The following CNTNAP5 variants were observed in gnomAD, a reference collection of about 807,000 sequenced individuals.
CNTNAP5 encodes the protein contactin-associated protein-like 5.
CNTNAP5 carries 72 observed loss-of-function variants against 150.2 expected under a neutral mutation model. The observed-to-expected ratio is 0.48, with a 90% confidence interval of 0.40 to 0.58. The LOEUF (loss-of-function observed/expected upper bound fraction) is 0.58, where lower values mean the gene tolerates loss of function less well. CNTNAP5 is among the 20% of genes least tolerant of loss of function. The pLI is 0.00. For synonymous variants in CNTNAP5, 672 were observed against 619.8 expected (o/e 1.08, Z -1.25); for missense variants, 1,636 against 1,626.2 (o/e 1.01, Z -0.10).
At chr2:124,215,712 C>CAAAAAAAAAAAAAA (rs397985759) in intron 1 of CNTNAP5, among the ~76,000 whole-genome samples, 2 of 82,056 alleles carry the variant, frequency 2.4e-5, no homozygotes, top group Admixed American at 1.4e-4. Context: ...AGAAGAAAGG[C>CAAAAAAAAAAAAAA]AAAAAAAAAA....
intron 22 of CNTNAP5, among the ~76,000 whole-genome samples, chr2:124,907,058 T>C (rs1395602347): frequency 6.6e-6 from 1 of 152,020 alleles, no homozygotes; most frequent in Non-Finnish European, 1.5e-5. Flanking sequence ...CATAATACAG[T>C]GTGAGCAATG....
chr2:124,478,767 C>A (rs569020915), intron 7 of CNTNAP5, among the ~76,000 whole-genome samples: 23 of 152,224 alleles, frequency 1.5e-4, no homozygotes, highest in Admixed American at 3.3e-4. Flanking sequence ...TTCTAGTGTT[C>A]GCAGACTCTC....
chr2:124,173,725 G>A (rs1684992656), intron 1 of CNTNAP5, among the ~76,000 whole-genome samples: 1 of 152,200 alleles, frequency 6.6e-6, no homozygotes, highest in Non-Finnish European at 1.5e-5. Flanking sequence ...AAGTGCTAAT[G>A]TAGAATTTGC....
At chr2:124,067,441 G>A (rs73952583) in intron 1 of CNTNAP5, among the ~76,000 whole-genome samples, 2,108 of 152,128 alleles carry the variant, frequency 0.014, 55 homozygotes, top group African/African-American at 0.049. Flanking sequence ...TGGCTACATT[G>A]CCACCTCCTC....
chr2:124,145,826 A>G (rs1381192869), intron 1 of CNTNAP5, among the ~76,000 whole-genome samples: 21 of 3,676 alleles, frequency 5.7e-3, no homozygotes, highest in Admixed American at 0.018. Context: ...AAAAAAAAAA[A>G]AAGAAGAAAA....
In CNTNAP5 at chr2:124,562,292, A is replaced by G. The variant is rs1015760303; in HGVS notation, c.1650-925A>G. 3.4e-4 allele frequency among the ~76,000 whole-genome samples: 51 copies of G among 152,124 alleles called. 1 individual carries two copies. Among genetic ancestry groups the G allele is most frequent in the Admixed American group, 2.6e-4 (4 of 15,268 alleles). ...CGTATCTTAAACTTTTACTTAATCT[A>G]TTATAATCATGTTTGTCCTGTTATA... is the stretch of plus-strand genomic sequence containing the variant. On this transcript the variant is annotated intron_variant, in intron 10 of 23. Transcript: ENST00000682447.
intron 8 of CNTNAP5, among the ~76,000 whole-genome samples, chr2:124,505,522 T>A (rs1323728854): frequency 6.6e-6 from 1 of 152,140 alleles, no homozygotes; most frequent in Non-Finnish European, 1.5e-5. Flanking sequence ...CACCAGGGAA[T>A]GGGAAAACTT....
At chr2:124,795,307 C>T (rs1681821471) in intron 18 of CNTNAP5, among the ~76,000 whole-genome samples, 1 of 152,096 alleles carries the variant, frequency 6.6e-6, no homozygotes, top group Admixed American at 6.5e-5. Context: ...AGAGACGCAC[C>T]TTCCAGTACC....
intron 3 of CNTNAP5, among the ~76,000 whole-genome samples, chr2:124,266,697 C>T (rs1048912054): frequency 3.9e-5 from 6 of 152,056 alleles, no homozygotes; most frequent in African/African-American, 1.2e-4. Context: ...TTAACTCGTG[C>T]ACTATGAACT....
intron 13 of CNTNAP5, among the ~76,000 whole-genome samples, chr2:124,713,318 C>CCTTT (rs200942591): frequency 0.15 from 6,719 of 43,826 alleles, 851 homozygotes; most frequent in Middle Eastern, 0.18. Context: ...CTCTTTCTTT[C>CCTTT]CTTTCTTTCT....
intron 1 of CNTNAP5, among the ~76,000 whole-genome samples, chr2:124,090,450 A>G (rs1262755477): frequency 6.6e-6 from 1 of 152,210 alleles, no homozygotes; most frequent in African/African-American, 2.4e-5. Flanking sequence ...ATTATCTATG[A>G]GACTCTAATC....
In CNTNAP5 at chr2:124,451,049, A is replaced by ATATATATAT. The variant is rs1220088749; in HGVS notation, c.918+4112_918+4113insTATATATAT. On this transcript the variant is annotated intron_variant, in intron 6 of 23. Transcript: ENST00000682447. ...TCTCTTAAAAAAAAAAAAAAAAAAA[A>ATATATATAT]AAATATATATATATATATATATATA... Among the ~76,000 whole-genome samples, 3 of 73,716 alleles carry ATATATATAT rather than the reference A, an allele frequency of 4.1e-5. No individual in the cohort carries two copies. The East Asian group carries it at 9.3e-4, about 23-fold the overall frequency. The allele number at this position is 73,716 out of a possible 152,430, so 48.4% of individuals were successfully genotyped here. A position where few individuals can be genotyped will look rare whatever the true frequency, so the allele number is the denominator to read the frequency against.
At chr2:124,703,710 C>T (rs946723055) in intron 13 of CNTNAP5, among the ~76,000 whole-genome samples, 1 of 152,200 alleles carries the variant, frequency 6.6e-6, no homozygotes, top group East Asian at 1.9e-4. Context: ...GGCTTTAAGA[C>T]ATCATTCTGC....
rs11317771 is a variant in CNTNAP5, at chr2:124,777,146, G to GA, written c.2752+4143dup. Among the ~76,000 whole-genome samples, 1,104 of 136,678 alleles carry GA rather than the reference G, an allele frequency of 8.1e-3. 9 individuals carry two copies. Among genetic ancestry groups the GA allele is most frequent in the African/African-American group, 0.017 (634 of 38,076 alleles). The allele number at this position is 136,678 out of a possible 152,430, so 89.7% of individuals were successfully genotyped here. ...CACTCAAAAATGCTTCTTTAGTGGG[G>GA]AAAAAAAAAAAAAAGATGAAGAACA... is the stretch of plus-strand genomic sequence containing the variant. On this transcript the variant is annotated intron_variant, in intron 17 of 23. Coordinates refer to ENST00000682447, the MANE Select transcript of CNTNAP5 (RefSeq NM_001367498.1).
chr2:124,355,971 A>G (rs183793507), intron 3 of CNTNAP5, among the ~76,000 whole-genome samples: 2 of 152,262 alleles, frequency 1.3e-5, no homozygotes, highest in African/African-American at 2.4e-5. Flanking sequence ...AAATGATTCT[A>G]CTTTTCTCAT....
intron 3 of CNTNAP5, among the ~76,000 whole-genome samples, chr2:124,317,806 G>A (rs528952035): frequency 8.5e-5 from 13 of 152,150 alleles, no homozygotes; most frequent in East Asian, 5.8e-4. Flanking sequence ...CCATACACAC[G>A]TAGGTGCACC....
chr2:124,863,615 G>A (rs1045675433), intron 19 of CNTNAP5, among the ~76,000 whole-genome samples: 2 of 152,150 alleles, frequency 1.3e-5, no homozygotes, highest in Non-Finnish European at 2.9e-5. Flanking sequence ...TGTTTCACAT[G>A]CATGTATTCT....
Position 124,504,372 on chromosome 2 carries a change from G to A in CNTNAP5, c.1143G>A (p.Leu381=), listed in dbSNP as rs780725853. ...ACTCCAGCGGCAGCTATTTGCTGCTGCCCGGCACCCCCCAAATTGATGGGC... is the reference window on the plus strand; with the variant it reads ...ACTCCAGCGGCAGCTATTTGCTGCTACCCGGCACCCCCCAAATTGATGGGC... ...FVNSSGSYLL[L]PGTPQIDGLS... is the part of the protein sequence containing the mutation. Residue 381 remains leucine (L), a synonymous_variant, in exon 8 of 24, where the codon CTG becomes CTA. Transcript: ENST00000682447. The A allele has an allele frequency of 6.2e-7, 1 of 1,613,926 alleles. No individual in the cohort carries two copies. The highest frequency in any genetic ancestry group is 1.1e-5 in the South Asian group (1 of 91,078).
At chr2:124,215,712 CA>C (rs397985759) in intron 1 of CNTNAP5, among the ~76,000 whole-genome samples, 1,797 of 82,022 alleles carry the variant, frequency 0.022, 5 homozygotes, top group African/African-American at 0.047. Context: ...AGAAGAAAGG[CA>C]AAAAAAAAAA....
Sources: gnomAD v4.1 joint callset for allele counts (sites outside exome capture counted in the v4.1 genomes callset) on GRCh38, gnomAD v4.1.1 for gene constraint, MANE v1.5 for transcripts, NCBI Gene and HGNC (gene_info 2026-07-23, HGNC 2026-07-21) for gene names.